The following PLCB4 variants were observed in gnomAD, a reference collection of about 807,000 sequenced individuals.
PLCB4 encodes phospholipase C beta 4, also known as 1-phosphatidylinositol 4,5-bisphosphate phosphodiesterase beta-4.
Under a neutral mutation model 178.8 loss-of-function variants are expected in PLCB4, and 77 were observed. The ratio of observed to expected loss-of-function variants is 0.43; its 90% CI spans 0.36 to 0.52. PLCB4 has a LOEUF of 0.52. PLCB4 is among the 20% of genes least tolerant of loss of function. PLCB4 has a pLI of 0.00. For missense variants in PLCB4, 1,024 were observed against 1,453.4 expected (o/e 0.70, Z 4.80); for synonymous variants, 496 against 490.8 (o/e 1.01, Z -0.14).
At chr20:9,457,752 A>G (rs1269965752) in intron 34 of PLCB4, among the ~76,000 whole-genome samples, 4 of 152,226 alleles carry the variant, frequency 2.6e-5, no homozygotes, top group Admixed American at 2.6e-4. Context: ...CCTCAGAGGC[A>G]TCAAGGAAAA....
chr20:9,429,180 C>T (rs1568814389), intron 28 of PLCB4, among the ~76,000 whole-genome samples: 1 of 152,132 alleles, frequency 6.6e-6, no homozygotes, highest in Non-Finnish European at 1.5e-5. Flanking sequence ...GGTTCCGGAG[C>T]CCCTGCTGTG....
intron 1 of PLCB4, among the ~76,000 whole-genome samples, chr20:9,076,359 C>T (rs1338376414): frequency 6.6e-6 from 1 of 151,966 alleles, no homozygotes; most frequent in African/African-American, 2.4e-5. Flanking sequence ...TCCAGCTACT[C>T]GGGAGGCTAA....
At chr20:9,283,031 A>G (rs375180862) in intron 3 of PLCB4, among the ~76,000 whole-genome samples, 64 of 152,176 alleles carry the variant, frequency 4.2e-4, no homozygotes, top group East Asian at 2.5e-3. Context: ...GAAAGTCTTC[A>G]TATCTTGATG....
chr20:9,259,371 A>G (rs964209532), intron 3 of PLCB4, among the ~76,000 whole-genome samples: 3 of 152,210 alleles, frequency 2.0e-5, no homozygotes, highest in Admixed American at 1.3e-4. Flanking sequence ...AGTACAGAAC[A>G]TGATATCACC....
intron 3 of PLCB4, among the ~76,000 whole-genome samples, chr20:9,240,897 TG>T (rs2094052562): frequency 6.6e-6 from 1 of 152,198 alleles, no homozygotes; most frequent in South Asian, 2.1e-4. Flanking sequence ...TCTGCTCTGA[TG>T]GATCATGGTA....
chr20:9,452,013 C>T (rs769403357), intron 32 of PLCB4, among the ~76,000 whole-genome samples: 6 of 149,682 alleles, frequency 4.0e-5, no homozygotes, highest in Non-Finnish European at 7.4e-5. Flanking sequence ...AAGCCCAGAT[C>T]CACAGCAAGC....
chr20:9,102,741 G>A (rs564583665), intron 2 of PLCB4, among the ~76,000 whole-genome samples: 2 of 113,236 alleles, frequency 1.8e-5, no homozygotes, highest in South Asian at 5.9e-4. Flanking sequence ...GAGCATATTT[G>A]GGGGGGGGCT....
intron 4 of PLCB4, among the ~76,000 whole-genome samples, chr20:9,324,645 G>A (rs759019163): frequency 1.3e-5 from 2 of 152,230 alleles, no homozygotes; most frequent in East Asian, 3.9e-4. Flanking sequence ...TCCTGAGGCC[G>A]ACTCTGAGCT....
chr20:9,307,754 G>C, intron 3 of PLCB4, 46 bp from the exon 4 acceptor site: 1 of 851,612 alleles, frequency 1.2e-6, no homozygotes, highest in South Asian at 1.7e-5. Flanking sequence ...ATCCTCAATT[G>C]TTTTTTCATT....
chr20:9,410,660 TA>T (rs1172639719), intron 24 of PLCB4, among the ~76,000 whole-genome samples: 1 of 152,178 alleles, frequency 6.6e-6, no homozygotes, highest in Non-Finnish European at 1.5e-5. Flanking sequence ...TCAAGTTTCA[TA>T]TTCACCCTCC....
At chr20:9,305,545 T>C (rs577287702) in intron 3 of PLCB4, among the ~76,000 whole-genome samples, 1 of 152,252 alleles carries the variant, frequency 6.6e-6, no homozygotes, top group Admixed American at 6.5e-5. Flanking sequence ...TTTTCTACTT[T>C]TTTGGCATAG....
chr20:9,404,145 G>A (rs554431041), intron 20 of PLCB4, among the ~76,000 whole-genome samples: 2 of 152,298 alleles, frequency 1.3e-5, no homozygotes, highest in South Asian at 2.1e-4. Flanking sequence ...GAGAGGAAGA[G>A]ATTAGTTTTG....
At chr20:9,141,629 A>C (rs537008532) in intron 2 of PLCB4, among the ~76,000 whole-genome samples, 2 of 152,138 alleles carry the variant, frequency 1.3e-5, no homozygotes, top group African/African-American at 4.8e-5. Flanking sequence ...AACACTCCAT[A>C]TGTATCTCCG....
chr20:9,151,794 T>C (rs1463203344), intron 2 of PLCB4, among the ~76,000 whole-genome samples: 1 of 151,988 alleles, frequency 6.6e-6, no homozygotes, highest in African/African-American at 2.4e-5. Context: ...CAGGCAGAGA[T>C]TGGAACAGTT....
intron 2 of PLCB4, among the ~76,000 whole-genome samples, chr20:9,153,315 C>G (rs373254865): frequency 5.3e-5 from 8 of 152,154 alleles, no homozygotes; most frequent in Non-Finnish European, 8.8e-5. Flanking sequence ...CCATCCAAAA[C>G]TCAACTTGAA....
chr20:9,468,244 C>T (rs928791133), intron 35 of PLCB4, among the ~76,000 whole-genome samples: 2 of 151,984 alleles, frequency 1.3e-5, no homozygotes, highest in Non-Finnish European at 2.9e-5. Context: ...GGGTCCCGTC[C>T]CTCCTTTTTC....
chr20:9,119,031 A>G (rs1293900808), intron 2 of PLCB4, among the ~76,000 whole-genome samples: 1 of 152,220 alleles, frequency 6.6e-6, no homozygotes, highest in African/African-American at 2.4e-5. Context: ...TGTACGTGTT[A>G]CTGAAACAGC....
chr20:9,119,305 G>A (rs144133209), intron 2 of PLCB4, among the ~76,000 whole-genome samples: 65 of 152,086 alleles, frequency 4.3e-4, no homozygotes, highest in Admixed American at 2.7e-3. Flanking sequence ...ACTTTTCTTC[G>A]TTTTCAGCTT....
intron 3 of PLCB4, among the ~76,000 whole-genome samples, chr20:9,259,743 T>C (rs1268024578): frequency 6.6e-6 from 1 of 152,126 alleles, no homozygotes; most frequent in Non-Finnish European, 1.5e-5. Flanking sequence ...GAAAGGCAGC[T>C]AGTCCAAATT....
Sources: gnomAD v4.1 joint callset for allele counts (sites outside exome capture counted in the v4.1 genomes callset) on GRCh38, gnomAD v4.1.1 for gene constraint, MANE v1.5 for transcripts, NCBI Gene and HGNC (gene_info 2026-07-23, HGNC 2026-07-21) for gene names.